RAB3IL1: variants seen among roughly 807,000 people sequenced by gnomAD.
RAB3IL1 encodes the protein RAB3A interacting protein like 1, also known as guanine nucleotide exchange factor for Rab-3A.
RAB3IL1 carries 37 observed loss-of-function variants against 49.2 expected under a neutral mutation model. That is an observed-to-expected ratio of 0.75 (90% confidence interval 0.58 to 0.99). The LOEUF is 0.99. Among genes scored for constraint, RAB3IL1 ranks in the 50% least tolerant of loss-of-function variants. The probability of loss-of-function intolerance (pLI) is 0.00; values close to 1 mark genes in which losing one functional copy is unlikely to be tolerated. For missense variants in RAB3IL1, 484 were observed against 513.0 expected, an observed-to-expected ratio of 0.94 and a Z score of 0.55; for synonymous variants, 193 against 213.9, an observed-to-expected ratio of 0.90 and a Z score of 0.85.
chr11:61,905,113 A>G (rs984089413), intron 5 of RAB3IL1, among the ~76,000 whole-genome samples: 2 of 152,186 alleles, frequency 1.3e-5, no homozygotes, highest in African/African-American at 4.8e-5. Flanking sequence ...GCCGGTGTTA[A>G]ATTTCTTGGC....
chr11:61,908,705 A>C (rs985507390), intron 1 of RAB3IL1, among the ~76,000 whole-genome samples: 1 of 152,188 alleles, frequency 6.6e-6, no homozygotes, highest in Non-Finnish European at 1.5e-5. Flanking sequence ...TGATCAGAGG[A>C]GGTGTGGGTA....
At chr11:61,920,889 C>T (rs1050006566), upstream of RAB3IL1, among the ~76,000 whole-genome samples, 1 of 152,182 alleles carries the variant, frequency 6.6e-6, no homozygotes, top group African/African-American at 2.4e-5. Context: ...GGCCATTGCA[C>T]TCCAGCCTGG....
At chr11:61,909,810 A>C (rs1040490764) in intron 1 of RAB3IL1, among the ~76,000 whole-genome samples, 2 of 152,142 alleles carry the variant, frequency 1.3e-5, no homozygotes, top group African/African-American at 2.4e-5. Context: ...TCTCCTTTAA[A>C]ATTCTCTCAA....
intron 8 of RAB3IL1, among the ~76,000 whole-genome samples, chr11:61,899,977 G>C (rs1034501619): frequency 4.6e-5 from 7 of 152,228 alleles, no homozygotes; most frequent in African/African-American, 1.7e-4. Flanking sequence ...ACCACGGAGA[G>C]GGTACTGTTG....
intron 9 of RAB3IL1, among the ~76,000 whole-genome samples, 187 bp downstream of exon 9, chr11:61,899,127 C>T (rs1243535946): frequency 2.0e-5 from 3 of 152,210 alleles, no homozygotes; most frequent in Admixed American, 6.5e-5. Flanking sequence ...ACCAGCCGGA[C>T]GGACTCAGGT....
chr11:61,917,527 G>GGCCCCCAGCCCA lies in RAB3IL1; in HGVS notation c.-172_-161dup, dbSNP rs1339593591. On this transcript the variant is annotated 5_prime_UTR_variant, in exon 1 of 10. Transcript: ENST00000394836. ...GTAGGTCTCAGACGCCTGGGCTCGCGGCCCCCAGCCCAGCCCCGACCCTGC... is the reference window on the plus strand; with the variant it reads ...GTAGGTCTCAGACGCCTGGGCTCGCGGCCCCCAGCCCAGCCCCCAGCCCAGCCCCGACCCTGC... 3.6e-6 allele frequency: 4 copies of GGCCCCCAGCCCA among 1,117,370 alleles called. No individual in the cohort carries two copies. Among genetic ancestry groups the GGCCCCCAGCCCA allele is most frequent in the African/African-American group, 1.7e-5 (1 of 60,294 alleles). The allele number at this position is 1,117,370 out of a possible 1,614,324, so 69.2% of individuals were successfully genotyped here. A position where few individuals can be genotyped will look rare whatever the true frequency, so the allele number is the denominator to read the frequency against.
At chr11:61,925,067 G>T (rs894513854), upstream of RAB3IL1, among the ~76,000 whole-genome samples, 3 of 152,222 alleles carry the variant, frequency 2.0e-5, no homozygotes, top group Non-Finnish European at 2.9e-5. Flanking sequence ...ATCTTTACGC[G>T]CAATCTCAGA....
At chr11:61,911,843 G>A (rs1272993319) in intron 1 of RAB3IL1, among the ~76,000 whole-genome samples, 1 of 152,132 alleles carries the variant, frequency 6.6e-6, no homozygotes, top group African/African-American at 2.4e-5. Flanking sequence ...CACTTCCCCA[G>A]GAAACACACA....
At chr11:61,937,701 A>C in the RAB3IL1 span, among the ~76,000 whole-genome samples, 8 of 152,320 alleles carry the variant, frequency 5.3e-5, no homozygotes, top group Non-Finnish European at 8.8e-5. Flanking sequence ...GGCACTAGAA[A>C]ATATTTAACA....
In RAB3IL1 at chr11:61,899,307, C is replaced by A; in HGVS notation, c.1066+7G>T. On this transcript the variant is annotated splice_region_variant and intron_variant, in intron 9 of 9. Coordinates refer to ENST00000394836, the MANE Select transcript of RAB3IL1 (RefSeq NM_013401.4). Reference sequence around the variant, plus strand: ...GATCCCTGCACCGGCCACCAGGGGGCGCTCACCGTCCTGCCGCACCAGGCC... The same window carrying A: ...GATCCCTGCACCGGCCACCAGGGGGAGCTCACCGTCCTGCCGCACCAGGCC... 9 of 1,603,766 alleles carry A rather than the reference C, an allele frequency of 5.6e-6. No individual in the cohort carries two copies. The highest frequency in any genetic ancestry group is 7.6e-6 in the Non-Finnish European group (9 of 1,179,136).
chr11:61,940,120 G>A, the RAB3IL1 span, among the ~76,000 whole-genome samples: 5 of 152,068 alleles, frequency 3.3e-5, no homozygotes. Flanking sequence ...TCTCCATCCT[G>A]GGTGATAGAG....
chr11:61,925,613 C>G, the RAB3IL1 span, among the ~76,000 whole-genome samples: 1 of 143,618 alleles, frequency 7.0e-6, no homozygotes, highest in Non-Finnish European at 1.5e-5. Flanking sequence ...CTAGCCTAGG[C>G]AACAGAGCAA....
chr11:61,937,409 T>G, the RAB3IL1 span, among the ~76,000 whole-genome samples: 1 of 152,022 alleles, frequency 6.6e-6, no homozygotes, highest in African/African-American at 2.4e-5. Context: ...TGGACTCAAG[T>G]GATCATCCCA....
chr11:61,910,484 C>T (rs909335644), intron 1 of RAB3IL1, among the ~76,000 whole-genome samples: 6 of 152,190 alleles, frequency 3.9e-5, no homozygotes, highest in Non-Finnish European at 8.8e-5. Flanking sequence ...ACATGAGCCC[C>T]TGAGAATGCT....
intron 1 of RAB3IL1, among the ~76,000 whole-genome samples, chr11:61,913,510 C>T (rs1181398282): frequency 6.6e-6 from 1 of 152,164 alleles, no homozygotes; most frequent in East Asian, 1.9e-4. Context: ...CTCCGCCGGC[C>T]ATAGCCCCAG....
At chr11:61,932,558 G>A in the RAB3IL1 span, among the ~76,000 whole-genome samples, 1 of 152,094 alleles carries the variant, frequency 6.6e-6, no homozygotes, top group African/African-American at 2.4e-5. Flanking sequence ...AGGGTGTATA[G>A]CAATGAGCAA....
upstream of RAB3IL1, among the ~76,000 whole-genome samples, chr11:61,923,979 G>A (rs1939955937): frequency 6.6e-6 from 1 of 152,060 alleles, no homozygotes; most frequent in Non-Finnish European, 1.5e-5. Flanking sequence ...AGGACAGAGC[G>A]TGTGGAGGCG....
Position 61,898,088 on chromosome 11 carries a change from G to A in RAB3IL1, c.*190C>T. The A allele has an allele frequency of 1.7e-6, 1 of 591,746 alleles. No homozygotes were observed. Among genetic ancestry groups the A allele is most frequent in the South Asian group, 2.0e-5 (1 of 49,524 alleles). 36.7% of individuals were successfully genotyped at this position (591,746 alleles called of 1,614,324 possible). On this transcript the variant is annotated 3_prime_UTR_variant, in exon 10 of 10. Transcript: ENST00000394836. This position sits in a 1 kb window ranked among gnomAD's most constrained non-coding sequence, Gnocchi z 5.1. ...GGGGAAGAGAGGGGGGTCTTGCCGTGAAGTCCAGGCCCGTCTGTCCCAGGA... is the reference window on the plus strand; with the variant it reads ...GGGGAAGAGAGGGGGGTCTTGCCGTAAAGTCCAGGCCCGTCTGTCCCAGGA...
At chr11:61,911,552 G>A (rs879312426) in intron 1 of RAB3IL1, among the ~76,000 whole-genome samples, 1 of 152,140 alleles carries the variant, frequency 6.6e-6, no homozygotes, top group African/African-American at 2.4e-5. Flanking sequence ...GAACTCAGTC[G>A]TGGGGCAAGC....
Sources: allele counts gnomAD v4.1 joint callset (sites outside exome capture counted in the v4.1 genomes callset), GRCh38; gene constraint gnomAD v4.1.1; non-coding constraint Gnocchi (gnomAD v3.1); transcripts MANE v1.5; gene names NCBI Gene and HGNC (gene_info 2026-07-23, HGNC 2026-07-21).